The following PLEKHG1 variants were observed in gnomAD, a reference collection of about 807,000 sequenced individuals.
PLEKHG1 encodes pleckstrin homology and RhoGEF domain containing G1.
A neutral mutation model predicts 100.8 loss-of-function variants in PLEKHG1; 44 were observed. The observed-to-expected ratio is 0.44, with a 90% CI of 0.34 to 0.56. PLEKHG1 has a LOEUF of 0.56. PLEKHG1 is among the 20% of genes least tolerant of loss of function. The pLI, the probability that PLEKHG1 is intolerant of heterozygous loss-of-function variation, is 0.01. For missense variants in PLEKHG1, 1,545 were observed against 1,720.9 expected (o/e 0.90, Z 1.81); for synonymous variants, 640 against 662.5 (o/e 0.97, Z 0.52).
intron 2 of PLEKHG1, among the ~76,000 whole-genome samples, chr6:150,760,000 TAAAG>T (rs992516745): frequency 4.0e-5 from 6 of 151,772 alleles, no homozygotes; most frequent in African/African-American, 1.5e-4. Context: ...TAAACAAAAA[TAAAG>T]AAAAAAGAGA....
chr6:150,636,393 A>T (rs1363781801), intron 1 of PLEKHG1, among the ~76,000 whole-genome samples: 1 of 152,086 alleles, frequency 6.6e-6, no homozygotes, highest in Non-Finnish European at 1.5e-5. Flanking sequence ...ACGTGGATGA[A>T]CTCTGGTTTC....
intron 3 of PLEKHG1, among the ~76,000 whole-genome samples, chr6:150,702,557 GGT>G (rs56768740): frequency 0.022 from 3,210 of 142,882 alleles, 48 homozygotes; most frequent in African/African-American, 0.04. Flanking sequence ...TTTGTTTTGG[GGT>G]GTGTGTGTGT....
At chr6:150,606,102 T>A (rs1470918500) in intron 1 of PLEKHG1, among the ~76,000 whole-genome samples, 2 of 152,238 alleles carry the variant, frequency 1.3e-5, no homozygotes, top group African/African-American at 4.8e-5. Context: ...AATGTATTTT[T>A]AAAAATAGTT....
chr6:150,723,055 A>C (rs1414426741), intron 1 of PLEKHG1, among the ~76,000 whole-genome samples: 1 of 152,296 alleles, frequency 6.6e-6, no homozygotes, highest in South Asian at 2.1e-4. Context: ...AGAAACTGCT[A>C]TTAGAGGGCC....
chr6:150,708,452 A>G (rs969991973), intron 3 of PLEKHG1, among the ~76,000 whole-genome samples: 4 of 152,066 alleles, frequency 2.6e-5, no homozygotes, highest in African/African-American at 9.7e-5. Context: ...TCCTAGTTTT[A>G]TATATTGTTA....
At chr6:150,621,082 A>G (rs55958968) in intron 1 of PLEKHG1, among the ~76,000 whole-genome samples, 7,301 of 152,236 alleles carry the variant, frequency 0.048, 196 homozygotes, top group East Asian at 0.073. Flanking sequence ...TGAATTTAAT[A>G]ATGGTCACAA....
At chr6:150,660,370 T>C (rs1403861541) in intron 3 of PLEKHG1, among the ~76,000 whole-genome samples, 1 of 152,214 alleles carries the variant, frequency 6.6e-6, no homozygotes, top group East Asian at 1.9e-4. Flanking sequence ...GTTAACCCAC[T>C]AAATGAGGAA....
intron 1 of PLEKHG1, among the ~76,000 whole-genome samples, chr6:150,610,843 G>C (rs1406502103): frequency 6.6e-6 from 1 of 152,170 alleles, no homozygotes; most frequent in African/African-American, 2.4e-5. Context: ...CCTTTCACTG[G>C]TTTATTGTAG....
intron 10 of PLEKHG1, among the ~76,000 whole-genome samples, chr6:150,810,192 TG>T: frequency 6.6e-6 from 1 of 151,468 alleles, no homozygotes; most frequent in African/African-American, 2.4e-5. Flanking sequence ...CCAGTTACTC[TG>T]GGAGACTGAG....
chr6:150,831,412 C>T lies in PLEKHG1; in HGVS notation c.2301C>T (p.Thr767=), dbSNP rs906907495. 2 of 1,613,976 alleles carry T rather than the reference C, an allele frequency of 1.2e-6. No homozygotes were observed. The highest frequency in any genetic ancestry group is 1.7e-6 in the Non-Finnish European group (2 of 1,180,048). ...GCCTAAAGCGTGCAAAGCGGAGCACCTTTTTGGGTCTGGAGGCCGACTTCG... is the reference window on the plus strand; with the variant it reads ...GCCTAAAGCGTGCAAAGCGGAGCACTTTTTTGGGTCTGGAGGCCGACTTCG... Residue 767 remains threonine, a synonymous_variant, in exon 15 of 16, where the codon ACC becomes ACT. Coordinates refer to ENST00000358517, the Ensembl canonical transcript of PLEKHG1. This position sits in a 1 kb window ranked among gnomAD's most constrained non-coding sequence, Gnocchi z 4.1.
chr6:150,712,097 C>T (rs1781261446), intron 3 of PLEKHG1, among the ~76,000 whole-genome samples: 1 of 152,204 alleles, frequency 6.6e-6, no homozygotes, highest in African/African-American at 2.4e-5. Context: ...GAGACGACAA[C>T]AGTGGGAAGC....
At chr6:150,754,510 T>G (rs538759993) in intron 2 of PLEKHG1, among the ~76,000 whole-genome samples, 1 of 151,770 alleles carries the variant, frequency 6.6e-6, no homozygotes, top group Non-Finnish European at 1.5e-5. Context: ...GTAGTCCAGG[T>G]GAGAGATGAG....
At chr6:150,790,016 T>G (rs1785874381) in intron 4 of PLEKHG1, among the ~76,000 whole-genome samples, 1 of 138,608 alleles carries the variant, frequency 7.2e-6, no homozygotes, top group East Asian at 2.2e-4. Flanking sequence ...AGCTAGAAAT[T>G]GAAATATTTT....
chr6:150,810,539 G>A (rs142753668), intron 10 of PLEKHG1, among the ~76,000 whole-genome samples: 3,002 of 104,346 alleles, frequency 0.029, 44 homozygotes, highest in Non-Finnish European at 0.042. Flanking sequence ...AGAAAGAAAG[G>A]AAGAAAGGAA....
At chr6:150,758,842 A>G (rs1783996123) in intron 2 of PLEKHG1, among the ~76,000 whole-genome samples, 1 of 152,200 alleles carries the variant, frequency 6.6e-6, no homozygotes. Context: ...GGCTCTCTTC[A>G]GAGCTTCCAT....
At position 150,600,450 on chromosome 6, in the gene PLEKHG1, C is replaced by T. The variant is rs1404252394; in HGVS notation, c.-204+433C>T. Among the ~76,000 whole-genome samples, 1 of 152,074 alleles carries T rather than the reference C, an allele frequency of 6.6e-6. No homozygotes were observed. Among genetic ancestry groups the T allele is most frequent in the Non-Finnish European group, 1.5e-5 (1 of 67,990 alleles). The stretch of plus-strand genomic sequence containing the variant: ...CCCACCCCCGACTCAGCAGGACAGC[C>T]CCAGAACGGGACCCCACAGCCAGTC... On this transcript the variant is annotated intron_variant, in intron 1 of 3. Coordinates refer to the PLEKHG1 transcript ENST00000367326. This position sits in a 1 kb window ranked among gnomAD's most constrained non-coding sequence, Gnocchi z 6.2.
At chr6:150,708,545 T>C (rs1049911319) in intron 3 of PLEKHG1, among the ~76,000 whole-genome samples, 3 of 152,224 alleles carry the variant, frequency 2.0e-5, no homozygotes, top group African/African-American at 7.2e-5. Flanking sequence ...GGTTAGGGGA[T>C]AGCTACAAAG....
At position 150,644,334 on chromosome 6, in the gene PLEKHG1, G is replaced by GTTTTGTTTTGT. The variant is rs1554255839; in HGVS notation, c.-158+6213_-158+6214insGTTTTGTTTTT. Among the ~76,000 whole-genome samples, 102 of 117,604 alleles carry GTTTTGTTTTGT rather than the reference G, an allele frequency of 8.7e-4. 1 individual carries two copies. The highest frequency in any genetic ancestry group is 3.2e-3 in the African/African-American group (92 of 28,628). 77.2% of individuals were successfully genotyped at this position (117,604 alleles called of 152,430 possible). ...AAGAGAGTGGTTTTTTTCTTTTCGT[G>GTTTTGTTTTGT]TTTTTTTTTTTTTTTTTTGTTACAG... On this transcript the variant is annotated intron_variant, in intron 2 of 3. Transcript: ENST00000367326.
intron 10 of PLEKHG1, among the ~76,000 whole-genome samples, chr6:150,814,913 T>G (rs1421597027): frequency 2.0e-5 from 3 of 152,104 alleles, no homozygotes; most frequent in African/African-American, 7.2e-5. Context: ...AGAGATGAGG[T>G]TTCACCATGT....
Sources: gnomAD v4.1 joint callset for allele counts (sites outside exome capture counted in the v4.1 genomes callset) on GRCh38, gnomAD v4.1.1 for gene constraint, Gnocchi (gnomAD v3.1) non-coding constraint, MANE v1.5 for transcripts, NCBI Gene and HGNC (gene_info 2026-07-23, HGNC 2026-07-21) for gene names.